The following TLK1 variants were observed in gnomAD, a reference collection of about 807,000 sequenced individuals.
The protein encoded by TLK1 is serine/threonine-protein kinase tousled-like 1.
TLK1 carries 24 observed loss-of-function variants against 105.3 expected under a neutral mutation model. The ratio of observed to expected loss-of-function variants is 0.23; its 90% CI spans 0.17 to 0.32. TLK1 has a LOEUF of 0.32. Among genes scored for constraint, TLK1 ranks in the 10% least tolerant of loss-of-function variants. TLK1 has a pLI of 1.00. For synonymous variants in TLK1, 321 were observed against 310.4 expected, an observed-to-expected ratio of 1.03 and a Z score of -0.36; for missense variants, 558 against 910.5, an observed-to-expected ratio of 0.61 and a Z score of 4.98.
At chr2:171,012,701 A>G (rs1575512742) in intron 13 of TLK1, among the ~76,000 whole-genome samples, 1 of 151,856 alleles carries the variant, frequency 6.6e-6, no homozygotes, top group African/African-American at 2.4e-5. Context: ...CTGGTCTCAA[A>G]CTCCTGGCCT....
chr2:171,091,222 G>A (rs1385723988), intron 2 of TLK1, among the ~76,000 whole-genome samples: 1 of 152,126 alleles, frequency 6.6e-6, no homozygotes, highest in African/African-American at 2.4e-5. Context: ...AAAGTTTGCC[G>A]ACCTCTGCTA....
At chr2:171,166,430 T>G (rs550758351) in intron 1 of TLK1, among the ~76,000 whole-genome samples, 1 of 152,238 alleles carries the variant, frequency 6.6e-6, no homozygotes, top group Non-Finnish European at 1.5e-5. Context: ...AGGGGAAGAA[T>G]AGGCCAAATG....
At chr2:171,022,925 T>C (rs1034005084) in intron 12 of TLK1, 5 of 379,470 alleles carry the variant, frequency 1.3e-5, no homozygotes, top group Admixed American at 3.2e-5. Flanking sequence ...AGACAATCCA[T>C]TGTCTTCCAT....
chr2:171,181,372 AT>A (rs959906061), intron 1 of TLK1, among the ~76,000 whole-genome samples: 1 of 152,200 alleles, frequency 6.6e-6, no homozygotes, highest in African/African-American at 2.4e-5. Flanking sequence ...AAGTGATCTA[AT>A]TTTTTTGTAC....
At chr2:171,091,614 C>A (rs1179131671) in intron 2 of TLK1, 1 of 152,124 alleles carries the variant, frequency 6.6e-6, no homozygotes, top group African/African-American at 2.4e-5. Flanking sequence ...TTACCCATAC[C>A]TATAATCGAG....
chr2:171,016,424 A>G (rs1297247306), intron 12 of TLK1, among the ~76,000 whole-genome samples: 1 of 152,194 alleles, frequency 6.6e-6, no homozygotes, highest in African/African-American at 2.4e-5. Flanking sequence ...GTGAGCCACC[A>G]TGCCCGGCTT....
intron 1 of TLK1, among the ~76,000 whole-genome samples, chr2:171,178,134 T>C (rs73017268): frequency 0.1 from 15,950 of 152,226 alleles, 1,246 homozygotes; most frequent in African/African-American, 0.22. Flanking sequence ...CTAGGTTCTA[T>C]ACAGAGTGTT....
chr2:171,213,189 T>A (rs1245536156), intron 1 of TLK1, among the ~76,000 whole-genome samples: 1 of 150,962 alleles, frequency 6.6e-6, no homozygotes, highest in African/African-American at 2.4e-5. Context: ...GCCATATCTT[T>A]CTTTTTCTTT....
intron 3 of TLK1, among the ~76,000 whole-genome samples, chr2:171,073,927 G>C (rs893372300): frequency 3.1e-5 from 4 of 127,966 alleles, no homozygotes; most frequent in Non-Finnish European, 6.2e-5. Context: ...GTCTTGCTGT[G>C]TCACCCAGGC....
chr2:171,164,958 C>T (rs10183909), upstream of TLK1, among the ~76,000 whole-genome samples: 67,904 of 151,628 alleles, frequency 0.45, 16,570 homozygotes, highest in African/African-American at 0.66. Context: ...CCACCTCTAT[C>T]TAAAAAAAAG....
chr2:171,015,394 C>A (rs1414152616), intron 12 of TLK1, among the ~76,000 whole-genome samples: 11 of 149,150 alleles, frequency 7.4e-5, no homozygotes, highest in Non-Finnish European at 1.6e-4. Context: ...TCTTCCTACG[C>A]CTTACAGCAT....
intron 1 of TLK1, among the ~76,000 whole-genome samples, chr2:171,184,983 T>C (rs1305846009): frequency 1.3e-5 from 2 of 152,002 alleles, no homozygotes; most frequent in Non-Finnish European, 2.9e-5. Flanking sequence ...GGACTACAGG[T>C]GCCCGCCACC....
At chr2:171,022,931 TC>T (rs1235261602) in intron 12 of TLK1, 2 of 382,406 alleles carry the variant, frequency 5.2e-6, no homozygotes, top group East Asian at 7.3e-5. Flanking sequence ...TCCATTGTCT[TC>T]CATTTCAACT....
chr2:171,142,389 C>T (rs571287852), intron 1 of TLK1, among the ~76,000 whole-genome samples: 1 of 152,162 alleles, frequency 6.6e-6, no homozygotes, highest in South Asian at 2.1e-4. Context: ...CTAGTATATG[C>T]AACTTAAAAG....
chr2:171,004,570 G>T (rs573657980), intron 18 of TLK1, among the ~76,000 whole-genome samples: 1 of 152,038 alleles, frequency 6.6e-6, no homozygotes, highest in Non-Finnish European at 1.5e-5. Context: ...TTTGTCCCTC[G>T]AACATCTGTA....
At chr2:171,184,371 G>A (rs1325546105) in intron 1 of TLK1, among the ~76,000 whole-genome samples, 1 of 152,140 alleles carries the variant, frequency 6.6e-6, no homozygotes, top group Non-Finnish European at 1.5e-5. Context: ...TGCCAGGCGT[G>A]GTGCCTCACG....
rs750388124 is a variant in TLK1, at chr2:171,056,510, A to C, written c.510T>G (p.Ser170=). 2 of 1,612,122 alleles carry C rather than the reference A, an allele frequency of 1.2e-6. No homozygotes were observed. The highest frequency in any genetic ancestry group is 4.5e-5 in the East Asian group (2 of 44,798). The change falls in exon 6 of 21, where the codon TCT becomes TCG. Residue 170 remains serine, a synonymous_variant. Transcript: ENST00000431350. The part of the protein sequence containing the change: ...PVRGIPPAIR[S]PQNSHSHSTP... ...TGGAATGTGAATGTGAATTTTGAGG[A>C]GAACGGATTGCAGGAGGTATGCCTC... is the stretch of plus-strand genomic sequence containing the variant.
At chr2:171,128,228 C>G (rs1296260250) in intron 1 of TLK1, among the ~76,000 whole-genome samples, 1 of 151,984 alleles carries the variant, frequency 6.6e-6, no homozygotes, top group African/African-American at 2.4e-5. Context: ...ACTGCCATGA[C>G]CTTAAAAAAT....
At chr2:171,181,628 T>C (rs11684743) in intron 1 of TLK1, among the ~76,000 whole-genome samples, 2,648 of 152,242 alleles carry the variant, frequency 0.017, 34 homozygotes, top group Non-Finnish European at 0.028. Flanking sequence ...AGAGATCACG[T>C]GGCAAGAAAG....
Sources: gnomAD v4.1 joint callset for allele counts (sites outside exome capture counted in the v4.1 genomes callset) on GRCh38, gnomAD v4.1.1 for gene constraint, MANE v1.5 for transcripts, NCBI Gene and HGNC (gene_info 2026-07-23, HGNC 2026-07-21) for gene names.